Variants in PHACTR1 observed in about 807,000 individuals in gnomAD.
PHACTR1 encodes the protein phosphatase and actin regulator 1, also known as RPEL repeat containing 1.
A neutral mutation model predicts 69.2 loss-of-function variants in PHACTR1; 16 were observed. That is an observed-to-expected ratio of 0.23 (90% CI 0.16 to 0.35). The LOEUF (loss-of-function observed/expected upper bound fraction) is 0.35, where lower values mean the gene tolerates loss of function less well. PHACTR1 is among the 10% of genes least tolerant of loss of function. The pLI is 1.00. For missense variants in PHACTR1, 510 were observed against 734.7 expected, an observed-to-expected ratio of 0.69 and a Z score of 3.54; for synonymous variants, 312 against 284.5, an observed-to-expected ratio of 1.10 and a Z score of -0.97.
intron 4 of PHACTR1, among the ~76,000 whole-genome samples, chr6:12,926,381 C>A (rs1047995699): frequency 1.3e-5 from 2 of 152,198 alleles, no homozygotes; most frequent in African/African-American, 4.8e-5. Context: ...GGAATCTAGT[C>A]AATTCCCATG....
intron 4 of PHACTR1, among the ~76,000 whole-genome samples, chr6:12,816,296 G>A (rs973908116): frequency 2.6e-5 from 4 of 152,212 alleles, no homozygotes; most frequent in Non-Finnish European, 5.9e-5. Context: ...GAGTTTCAAA[G>A]AATGATGTCA....
chr6:13,242,190 G>T (rs1467462148), intron 10 of PHACTR1, among the ~76,000 whole-genome samples: 1 of 152,178 alleles, frequency 6.6e-6, no homozygotes, highest in East Asian at 1.9e-4. Context: ...GCCATTACAT[G>T]CTTCTAGAAC....
intron 4 of PHACTR1, among the ~76,000 whole-genome samples, chr6:12,771,625 A>G (rs1581678327): frequency 1.3e-5 from 2 of 152,200 alleles, no homozygotes; most frequent in South Asian, 4.1e-4. Context: ...AAGTTCCCAC[A>G]CCAGGGTCTG....
intron 4 of PHACTR1, among the ~76,000 whole-genome samples, chr6:12,810,672 C>T (rs189173026): frequency 1.3e-3 from 205 of 152,264 alleles, no homozygotes; most frequent in African/African-American, 4.0e-3. Flanking sequence ...TAGTGACTGC[C>T]GTGGTGTGCC....
At chr6:13,267,855 A>G (rs1248904998) in intron 10 of PHACTR1, 3 of 19,476 alleles carry the variant, frequency 1.5e-4, no homozygotes, top group Non-Finnish European at 1.3e-3. Flanking sequence ...AAAAAAAAAA[A>G]AAAAAAAAAA....
intron 4 of PHACTR1, among the ~76,000 whole-genome samples, chr6:12,886,259 TA>T (rs11403252): frequency 2.7e-5 from 4 of 148,274 alleles, no homozygotes; most frequent in South Asian, 2.1e-4. Context: ...GTTTGATTGT[TA>T]AAAAAAAAAG....
intron 3 of PHACTR1, among the ~76,000 whole-genome samples, chr6:12,740,312 A>G (rs556510969): frequency 6.6e-6 from 1 of 152,218 alleles, no homozygotes; most frequent in Non-Finnish European, 1.5e-5. Context: ...ATGTTTACCC[A>G]TGTTTATGTA....
chr6:12,874,072 A>C (rs1282337064), intron 4 of PHACTR1, among the ~76,000 whole-genome samples: 2 of 152,232 alleles, frequency 1.3e-5, no homozygotes, highest in African/African-American at 4.8e-5. Context: ...CTCAAACTTT[A>C]ATGTGCATAC....
chr6:13,128,089 G>A (rs998099242), intron 5 of PHACTR1, among the ~76,000 whole-genome samples: 2 of 95,230 alleles, frequency 2.1e-5, no homozygotes, highest in Non-Finnish European at 4.6e-5. Flanking sequence ...CATGAGAACA[G>A]CAGCATGGGG....
At chr6:12,918,682 C>T (rs1475982652) in intron 4 of PHACTR1, among the ~76,000 whole-genome samples, 1 of 152,130 alleles carries the variant, frequency 6.6e-6, no homozygotes, top group African/African-American at 2.4e-5. Context: ...TAAATCTTGC[C>T]TCATCATATA....
intron 7 of PHACTR1, 55 bp from the exon 8 acceptor site, chr6:13,205,760 G>C (rs1765812422): frequency 6.7e-7 from 1 of 1,498,718 alleles, no homozygotes; most frequent in Non-Finnish European, 9.1e-7. Context: ...GGTGTTCTGA[G>C]TTTCTTCTGA....
chr6:13,094,489 G>C (rs549380281), intron 5 of PHACTR1, among the ~76,000 whole-genome samples: 1 of 151,336 alleles, frequency 6.6e-6, no homozygotes, highest in South Asian at 2.1e-4. Context: ...GAGAGGGGGG[G>C]TTTCACCATA....
At chr6:13,217,748 C>G (rs1457917050) in intron 8 of PHACTR1, among the ~76,000 whole-genome samples, 1 of 152,222 alleles carries the variant, frequency 6.6e-6, no homozygotes, top group Non-Finnish European at 1.5e-5. Context: ...CATGTCTTAT[C>G]TTAGAAGGCT....
chr6:13,256,748 C>T (rs1471405371), intron 10 of PHACTR1, among the ~76,000 whole-genome samples: 1 of 152,190 alleles, frequency 6.6e-6, no homozygotes, highest in African/African-American at 2.4e-5. Context: ...CAATAAGTTC[C>T]TCATTTCCAT....
intron 7 of PHACTR1, among the ~76,000 whole-genome samples, chr6:13,194,167 G>A (rs1394737758): frequency 3.9e-5 from 6 of 152,176 alleles, no homozygotes; most frequent in Non-Finnish European, 7.3e-5. Context: ...TACTTTGGGA[G>A]GCCAAGGTGG....
At chr6:13,221,632 A>G (rs1345865165) in intron 8 of PHACTR1, among the ~76,000 whole-genome samples, 1 of 152,230 alleles carries the variant, frequency 6.6e-6, no homozygotes, top group African/African-American at 2.4e-5. Context: ...GGAAGATCAC[A>G]ATAGTACCTA....
chr6:13,040,991 A>T (rs1804053682), intron 4 of PHACTR1, among the ~76,000 whole-genome samples: 1 of 152,196 alleles, frequency 6.6e-6, no homozygotes, highest in African/African-American at 2.4e-5. Context: ...GGAAGAAAGA[A>T]CTTAAGGAAA....
At chr6:13,203,425 TTAA>T (rs1157200149) in intron 7 of PHACTR1, among the ~76,000 whole-genome samples, 1 of 152,186 alleles carries the variant, frequency 6.6e-6, no homozygotes, top group African/African-American at 2.4e-5. Context: ...GTTGTAAGGA[TTAA>T]ACCGGTTAGA....
intron 13 of PHACTR1, among the ~76,000 whole-genome samples, chr6:13,285,079 A>C (rs548197893): frequency 1.3e-5 from 2 of 152,068 alleles, no homozygotes; most frequent in Non-Finnish European, 2.9e-5. Flanking sequence ...TCCTGTCCAC[A>C]CTCTCTCTGC....
Sources: gnomAD v4.1 joint callset for allele counts (sites outside exome capture counted in the v4.1 genomes callset) on GRCh38, gnomAD v4.1.1 for gene constraint, MANE v1.5 for transcripts, NCBI Gene and HGNC (gene_info 2026-07-23, HGNC 2026-07-21) for gene names.